Variants in PRMT8 observed in about 807,000 individuals in gnomAD.
The protein encoded by PRMT8 is protein arginine methyltransferase 8, also known as protein arginine N-methyltransferase 8.
PRMT8 carries 7 observed loss-of-function variants against 47.1 expected under a neutral mutation model. The observed-to-expected ratio is 0.15, with a 90% confidence interval of 0.08 to 0.28. The LOEUF (loss-of-function observed/expected upper bound fraction) is 0.28. PRMT8 is among the 10% of genes least tolerant of loss of function. PRMT8 has a pLI of 1.00. For synonymous variants in PRMT8, 188 were observed against 186.5 expected, an observed-to-expected ratio of 1.01 and a Z score of -0.07; for missense variants, 237 against 505.4, an observed-to-expected ratio of 0.47 and a Z score of 5.09.
intron 1 of PRMT8, among the ~76,000 whole-genome samples, chr12:3,400,959 C>T (rs1410608924): frequency 6.6e-6 from 1 of 151,974 alleles, no homozygotes; most frequent in African/African-American, 2.4e-5. Context: ...CCAGCCTCAA[C>T]ATGGAGAAAC....
chr12:3,453,268 C>T lies in PRMT8; in HGVS notation c.48+71826C>T, dbSNP rs1401641625. ...CCCCTCGCTCACTCTAGTCCTGGCT[C>T]CCTTTACACAGGCCTAATATGACCA... On this transcript the variant is annotated intron_variant, in intron 1 of 9. Transcript: ENST00000452611. The surrounding 1 kb of genome is among the most constrained non-coding windows in gnomAD (Gnocchi z 4.9). Among the ~76,000 whole-genome samples, 2 of 152,096 alleles carry T rather than the reference C, an allele frequency of 1.3e-5. No homozygotes were observed. Among genetic ancestry groups the T allele is most frequent in the Non-Finnish European group, 1.5e-5 (1 of 68,032 alleles).
intron 1 of PRMT8, among the ~76,000 whole-genome samples, chr12:3,531,587 G>C (rs1250014890): frequency 6.6e-6 from 1 of 152,176 alleles, no homozygotes; most frequent in Non-Finnish European, 1.5e-5. Flanking sequence ...ATGCCATTTT[G>C]ATTTGAAGCA....
At chr12:3,465,305 A>G (rs1371670146) in intron 1 of PRMT8, among the ~76,000 whole-genome samples, 1 of 146,190 alleles carries the variant, frequency 6.8e-6, no homozygotes, top group African/African-American at 2.5e-5. Context: ...AATAAAATAT[A>G]TATTATATAT....
In PRMT8 at chr12:3,571,370, G is replaced by A. The variant is rs532943391; in HGVS notation, c.712+1806G>A. Among the ~76,000 whole-genome samples the A allele has an allele frequency of 7.2e-5, 11 of 152,348 alleles. No homozygotes were observed. In the South Asian group the frequency reaches 2.1e-3, roughly 29 times the overall value. On this transcript the variant is annotated intron_variant, in intron 6 of 9. Coordinates refer to ENST00000382622, the MANE Select transcript of PRMT8 (RefSeq NM_019854.5). The stretch of plus-strand genomic sequence containing the variant: ...TTGTACTGAATAGTGTTTTGAGGAG[G>A]AAAGCTTCTAGGTACATTCTTCATT...
chr12:3,572,315 G>A lies in PRMT8; in HGVS notation c.712+2751G>A, dbSNP rs1205673873. On this transcript the variant is annotated intron_variant, in intron 6 of 9. Coordinates refer to ENST00000382622, the MANE Select transcript of PRMT8 (RefSeq NM_019854.5). The surrounding 1 kb of genome is among the most constrained non-coding windows in gnomAD (Gnocchi z 5.9). ...GGTGTAGTATTTAACTCTTAGAGAG[G>A]AGCAATCATTTTACACACATTTTCT... Among the ~76,000 whole-genome samples the A allele has an allele frequency of 6.6e-6, 1 of 152,198 alleles. No individual in the cohort carries two copies. The highest frequency in any genetic ancestry group is 2.4e-5 in the African/African-American group (1 of 41,444).
intron 1 of PRMT8, among the ~76,000 whole-genome samples, chr12:3,428,445 G>A (rs1864631132): frequency 6.6e-6 from 1 of 152,050 alleles, no homozygotes; most frequent in South Asian, 2.1e-4. Context: ...GAATGTACTG[G>A]GGCCAGCTGC....
chr12:3,415,943 A>G (rs1864478988), intron 1 of PRMT8, among the ~76,000 whole-genome samples: 1 of 152,178 alleles, frequency 6.6e-6, no homozygotes. Flanking sequence ...CAGGACAGGG[A>G]CAAACTAGGG....
Position 3,572,866 on chromosome 12 carries a change from C to G in PRMT8, c.712+3302C>G, listed in dbSNP as rs1425555853. Among the ~76,000 whole-genome samples, 2 of 152,164 alleles carry G rather than the reference C, an allele frequency of 1.3e-5. No homozygotes were observed. The highest frequency in any genetic ancestry group is 4.8e-5 in the African/African-American group (2 of 41,440). ...GCTACAGCTCTCTGCAATCAGAAAT[C>G]ACATTTCTCCCCTGGTACTTAATTT... is the stretch of plus-strand genomic sequence containing the variant. On this transcript the variant is annotated intron_variant, in intron 6 of 9. Coordinates refer to ENST00000382622, the MANE Select transcript of PRMT8 (RefSeq NM_019854.5). This position sits in a 1 kb window ranked among gnomAD's most constrained non-coding sequence, Gnocchi z 5.9.
intron 1 of PRMT8, among the ~76,000 whole-genome samples, chr12:3,523,149 G>A (rs1293395025): frequency 3.3e-5 from 5 of 152,182 alleles, no homozygotes; most frequent in Admixed American, 6.5e-5. Flanking sequence ...AAATATCTAT[G>A]TCCTAAAACA....
Position 3,583,609 on chromosome 12 carries a change from C to T in PRMT8, c.979+401C>T, listed in dbSNP as rs1867113755. Among the ~76,000 whole-genome samples the T allele has an allele frequency of 6.6e-6, 1 of 152,230 alleles. No individual in the cohort carries two copies. Among genetic ancestry groups the T allele is most frequent in the South Asian group, 2.1e-4 (1 of 4,836 alleles). On this transcript the variant is annotated intron_variant, in intron 8 of 9. Coordinates refer to ENST00000382622, the MANE Select transcript of PRMT8 (RefSeq NM_019854.5). This position sits in a 1 kb window ranked among gnomAD's most constrained non-coding sequence, Gnocchi z 4.7. ...GTGCAGGACACAGCCTGTCTTGCAG[C>T]AGCCTGCACACTGGTCTCTATGTCT...
chr12:3,568,667 G>T, intron 4 of PRMT8, 39 bp from the exon 5 acceptor site: 2 of 1,613,076 alleles, frequency 1.2e-6, no homozygotes, highest in Non-Finnish European at 1.7e-6. Context: ...CCTGGGTGGG[G>T]TCCCTGCAAA....
At chr12:3,518,327 G>C (rs977961561) in intron 1 of PRMT8, among the ~76,000 whole-genome samples, 3 of 151,558 alleles carry the variant, frequency 2.0e-5, no homozygotes, top group Non-Finnish European at 4.4e-5. Flanking sequence ...CCCTCCTAGA[G>C]AAGCCTCTAT....
At chr12:3,449,707 C>A (rs1240531227) in intron 1 of PRMT8, among the ~76,000 whole-genome samples, 1 of 152,082 alleles carries the variant, frequency 6.6e-6, no homozygotes, top group Non-Finnish European at 1.5e-5. Flanking sequence ...ATGATAGTTT[C>A]TTTTGCTGTG....
intron 1 of PRMT8, among the ~76,000 whole-genome samples, chr12:3,425,585 T>C (rs1226052430): frequency 1.3e-5 from 2 of 152,246 alleles, no homozygotes; most frequent in Admixed American, 6.5e-5. Context: ...ATAGATGTAG[T>C]TTATTTAGTT....
chr12:3,539,259 G>T (rs770675290), intron 1 of PRMT8, among the ~76,000 whole-genome samples: 26 of 152,148 alleles, frequency 1.7e-4, no homozygotes, highest in Non-Finnish European at 2.8e-4. Flanking sequence ...TTTCAGGTAG[G>T]TTTTATTATG....
rs753153620 is a variant in PRMT8, at chr12:3,569,053, A to G, written c.624+205A>G. On this transcript the variant is annotated intron_variant, in intron 5 of 9. Transcript: ENST00000382622. The surrounding 1 kb of genome is among the most constrained non-coding windows in gnomAD (Gnocchi z 8.2). The stretch of plus-strand genomic sequence containing the variant: ...CCAGCATGTGTAACCATCAGAGTGG[A>G]CTTCCGTGGGTCTCACCGCAGCCTC... Among the ~76,000 whole-genome samples, 2 of 152,086 alleles carry G rather than the reference A, an allele frequency of 1.3e-5. No homozygotes were observed. The highest frequency in any genetic ancestry group is 6.5e-5 in the Admixed American group (1 of 15,278).
chr12:3,453,671 C>A lies in PRMT8; in HGVS notation c.48+72229C>A, dbSNP rs752561605. Among the ~76,000 whole-genome samples, 39 of 152,176 alleles carry A rather than the reference C, an allele frequency of 2.6e-4. No homozygotes were observed. The highest frequency in any genetic ancestry group is 5.4e-4 in the Non-Finnish European group (37 of 68,018). On this transcript the variant is annotated intron_variant, in intron 1 of 9. Transcript: ENST00000452611. This position sits in a 1 kb window ranked among gnomAD's most constrained non-coding sequence, Gnocchi z 4.9. ...AGGAGCTTGCCCTTCACAGCCAGGG[C>A]AAATGCTGGGGCGCAGCCATGCTGG... is the stretch of plus-strand genomic sequence containing the variant.
intron 1 of PRMT8, among the ~76,000 whole-genome samples, chr12:3,433,457 G>A (rs1864704369): frequency 1.3e-5 from 2 of 152,198 alleles, no homozygotes; most frequent in Admixed American, 1.3e-4. Flanking sequence ...CCACCCTGCA[G>A]TGTAGATACT....
In PRMT8 at chr12:3,496,212, ATATTTTT is replaced by A. The variant is rs556776018; in HGVS notation, c.75+4514_75+4520del. ...ACTTTGGAAACTGATATATATATAT[ATATTTTT>A]TTTTTTTTTTTTTTTTTTTTTGAAT... On this transcript the variant is annotated intron_variant, in intron 1 of 9. Coordinates refer to ENST00000382622, the MANE Select transcript of PRMT8 (RefSeq NM_019854.5). Among the ~76,000 whole-genome samples, 46 of 19,398 alleles carry A rather than the reference ATATTTTT, an allele frequency of 2.4e-3. 1 individual carries two copies. The highest frequency in any genetic ancestry group is 0.031 in the Middle Eastern group (1 of 32). 12.7% of individuals were successfully genotyped at this position (19,398 alleles called of 152,430 possible). A position where few individuals can be genotyped will look rare whatever the true frequency, so the allele number is the denominator to read the frequency against.
Sources: allele counts gnomAD v4.1 joint callset (sites outside exome capture counted in the v4.1 genomes callset), GRCh38; gene constraint gnomAD v4.1.1; non-coding constraint Gnocchi (gnomAD v3.1); transcripts MANE v1.5; gene names NCBI Gene and HGNC (gene_info 2026-07-23, HGNC 2026-07-21).